RGL1: variants seen among roughly 807,000 people sequenced by gnomAD.
RGL1 encodes ral guanine nucleotide dissociation stimulator-like 1.
Under a neutral mutation model 95.2 loss-of-function variants are expected in RGL1, and 24 were observed. The ratio of observed to expected loss-of-function variants is 0.25; its 90% CI spans 0.18 to 0.35. RGL1 has a LOEUF of 0.35. RGL1 is among the 10% of genes least tolerant of loss of function. RGL1 has a pLI of 1.00. For synonymous variants in RGL1, 329 were observed against 344.9 expected (o/e 0.95, Z 0.51); for missense variants, 715 against 936.3 (o/e 0.76, Z 3.08).
chr1:183,819,947 G>C (rs914826235), intron 2 of RGL1, among the ~76,000 whole-genome samples: 1 of 151,844 alleles, frequency 6.6e-6, no homozygotes, highest in Admixed American at 6.6e-5. Context: ...ACCATGCCTG[G>C]CTAATTTTTA....
At chr1:183,786,016 T>C (rs190267568) in intron 2 of RGL1, among the ~76,000 whole-genome samples, 1 of 151,924 alleles carries the variant, frequency 6.6e-6, no homozygotes, top group African/African-American at 2.4e-5. Flanking sequence ...AGTTTGATGC[T>C]GCAGCGAGCT....
At chr1:183,646,805 A>G (rs966429565) in intron 1 of RGL1, 1 of 152,222 alleles carries the variant, frequency 6.6e-6, no homozygotes, top group Non-Finnish European at 1.5e-5. Context: ...TCATTGGTGA[A>G]GTTATTGAGA....
At chr1:183,873,713 A>G (rs1666319932) in intron 4 of RGL1, among the ~76,000 whole-genome samples, 2 of 152,196 alleles carry the variant, frequency 1.3e-5, no homozygotes, top group Admixed American at 1.3e-4. Flanking sequence ...TTTTGTCATT[A>G]TTTCCATTGC....
At chr1:183,868,867 A>G (rs958460397) in intron 4 of RGL1, among the ~76,000 whole-genome samples, 6 of 152,170 alleles carry the variant, frequency 3.9e-5, no homozygotes, top group African/African-American at 1.2e-4. Flanking sequence ...TGTAATCCCA[A>G]CACTTTGGGA....
intron 2 of RGL1, among the ~76,000 whole-genome samples, chr1:183,744,875 G>GT (rs1256492106): frequency 2.0e-5 from 3 of 152,092 alleles, no homozygotes; most frequent in African/African-American, 7.2e-5. Context: ...ATATGCTAGA[G>GT]TTTTTTCTAG....
chr1:183,640,519 A>G (rs1174687), intron 1 of RGL1, among the ~76,000 whole-genome samples: 80,459 of 151,914 alleles, frequency 0.53, 22,853 homozygotes, highest in African/African-American at 0.74. Flanking sequence ...TCTTGCCTCA[A>G]GAAAAAGATT....
chr1:183,873,845 A>G (rs12070135), intron 4 of RGL1, among the ~76,000 whole-genome samples: 87,242 of 152,012 alleles, frequency 0.57, 25,420 homozygotes, highest in African/African-American at 0.68. Flanking sequence ...TGGGTTGAAG[A>G]ATGTGAGGAA....
At chr1:183,891,155 T>A (rs1291966278) in intron 8 of RGL1, among the ~76,000 whole-genome samples, 1 of 152,200 alleles carries the variant, frequency 6.6e-6, no homozygotes, top group African/African-American at 2.4e-5. Context: ...TTCTTTATTA[T>A]TTAGAGTAAT....
chr1:183,650,040 T>C (rs1650604342), intron 1 of RGL1, among the ~76,000 whole-genome samples: 1 of 152,110 alleles, frequency 6.6e-6, no homozygotes, highest in South Asian at 2.1e-4. Flanking sequence ...CTCGAACTCC[T>C]GGGCTCAAGT....
intron 4 of RGL1, among the ~76,000 whole-genome samples, chr1:183,869,114 C>A (rs1417401963): frequency 6.6e-6 from 1 of 152,154 alleles, no homozygotes; most frequent in African/African-American, 2.4e-5. Flanking sequence ...TGAGTGAGAC[C>A]TTGTCTTAAA....
chr1:183,865,063 T>C (rs1665744564), intron 3 of RGL1, among the ~76,000 whole-genome samples: 1 of 152,228 alleles, frequency 6.6e-6, no homozygotes, highest in Admixed American at 6.5e-5. Flanking sequence ...CTGGATTCTG[T>C]ATTGATGGAA....
intron 1 of RGL1, among the ~76,000 whole-genome samples, chr1:183,686,615 A>G (rs183304330): frequency 1.3e-5 from 2 of 152,306 alleles, no homozygotes. Context: ...CCATGCATAG[A>G]AAGGTTGTAG....
chr1:183,741,136 T>C (rs1417359672), intron 1 of RGL1, among the ~76,000 whole-genome samples: 1 of 152,126 alleles, frequency 6.6e-6, no homozygotes, highest in African/African-American at 2.4e-5. Context: ...CAGCAGTGCA[T>C]GCATGAGGTG....
chr1:183,827,896 A>AG (rs1267160590), intron 2 of RGL1, among the ~76,000 whole-genome samples: 43 of 152,380 alleles, frequency 2.8e-4, no homozygotes, highest in African/African-American at 9.9e-4. Flanking sequence ...GTTATGTAAT[A>AG]GGTATTCATG....
chr1:183,825,117 G>A (rs1662758324), intron 2 of RGL1, among the ~76,000 whole-genome samples: 1 of 152,204 alleles, frequency 6.6e-6, no homozygotes, highest in African/African-American at 2.4e-5. Context: ...AAAGAGAACA[G>A]TGGTATCATT....
At chr1:183,701,782 G>T (rs1257163751) in intron 1 of RGL1, among the ~76,000 whole-genome samples, 1 of 151,880 alleles carries the variant, frequency 6.6e-6, no homozygotes, top group Non-Finnish European at 1.5e-5. Context: ...ACTAAAAATA[G>T]AAAAATTAGC....
intron 1 of RGL1, among the ~76,000 whole-genome samples, chr1:183,805,817 G>A (rs745595798): frequency 3.3e-5 from 5 of 152,094 alleles, no homozygotes; most frequent in Non-Finnish European, 5.9e-5. Context: ...GAAAAGACAA[G>A]CAAACCACTT....
At chr1:183,681,289 C>A (rs531555477) in intron 1 of RGL1, among the ~76,000 whole-genome samples, 1 of 152,176 alleles carries the variant, frequency 6.6e-6, no homozygotes, top group Non-Finnish European at 1.5e-5. Flanking sequence ...TTTGCCCATT[C>A]AGTGTAATAT....
At chr1:183,833,494 G>T (rs1663405061) in intron 2 of RGL1, among the ~76,000 whole-genome samples, 1 of 152,266 alleles carries the variant, frequency 6.6e-6, no homozygotes, top group Admixed American at 6.5e-5. Flanking sequence ...TCAGGAATCA[G>T]TTTCTGCCCA....
Sources: gnomAD v4.1 joint callset for allele counts (sites outside exome capture counted in the v4.1 genomes callset) on GRCh38, gnomAD v4.1.1 for gene constraint, MANE v1.5 for transcripts, NCBI Gene and HGNC (gene_info 2026-07-23, HGNC 2026-07-21) for gene names.